Variants in HHAT observed in about 807,000 individuals in gnomAD.
The protein encoded by HHAT is protein-cysteine N-palmitoyltransferase HHAT.
A neutral mutation model predicts 70.8 loss-of-function variants in HHAT; 47 were observed. That is an observed-to-expected ratio of 0.66 (90% CI 0.53 to 0.85). HHAT has a LOEUF of 0.85. Ranked by LOEUF, HHAT falls within the 40% of genes least tolerant of loss-of-function variation. The pLI, the probability that HHAT is intolerant of heterozygous loss-of-function variation, is 0.00. For missense variants in HHAT, 609 were observed against 604.8 expected, an observed-to-expected ratio of 1.01 and a Z score of -0.07; for synonymous variants, 228 against 247.6, an observed-to-expected ratio of 0.92 and a Z score of 0.74.
At chr1:210,511,287 G>A (rs1170444848) in intron 8 of HHAT, among the ~76,000 whole-genome samples, 6 of 152,144 alleles carry the variant, frequency 3.9e-5, no homozygotes, top group African/African-American at 7.2e-5. Context: ...TATATATCTC[G>A]AATCCCGTTT....
intron 9 of HHAT, among the ~76,000 whole-genome samples, chr1:210,523,936 G>C (rs1162469868): frequency 6.6e-6 from 1 of 152,240 alleles, no homozygotes; most frequent in Non-Finnish European, 1.5e-5. Flanking sequence ...AAACAAGTAA[G>C]CAGTGTGTGA....
At chr1:210,448,317 G>A (rs2093677048) in intron 7 of HHAT, among the ~76,000 whole-genome samples, 1 of 152,056 alleles carries the variant, frequency 6.6e-6, no homozygotes, top group South Asian at 2.1e-4. Flanking sequence ...CCTGACCTCA[G>A]GTGATCTGCA....
At chr1:210,484,148 C>T (rs1017388311) in intron 8 of HHAT, among the ~76,000 whole-genome samples, 4 of 152,160 alleles carry the variant, frequency 2.6e-5, no homozygotes, top group African/African-American at 7.2e-5. Flanking sequence ...TAACCCCAAG[C>T]CTGATTTCTC....
intron 11 of HHAT, among the ~76,000 whole-genome samples, chr1:210,635,794 C>G (rs758526399): frequency 1.3e-5 from 2 of 152,092 alleles, no homozygotes; most frequent in Non-Finnish European, 2.9e-5. Context: ...GGCTTTGCCC[C>G]TAGAATTTGA....
chr1:210,663,155 G>A (rs1303574393), intron 11 of HHAT, among the ~76,000 whole-genome samples: 2 of 152,126 alleles, frequency 1.3e-5, no homozygotes, highest in Non-Finnish European at 2.9e-5. Context: ...CCAAGACAAA[G>A]GATATAAGCG....
intron 9 of HHAT, among the ~76,000 whole-genome samples, chr1:210,574,889 G>A (rs1000045354): frequency 5.9e-5 from 9 of 152,204 alleles, no homozygotes; most frequent in Admixed American, 5.9e-4. Context: ...TTATTTTATA[G>A]TGAACATTTT....
At chr1:210,459,719 C>T (rs572952645) in intron 7 of HHAT, among the ~76,000 whole-genome samples, 22 of 152,328 alleles carry the variant, frequency 1.4e-4, no homozygotes, top group African/African-American at 5.3e-4. Context: ...TTCTGAGCTC[C>T]CTCACCCTGT....
chr1:210,354,042 T>C (rs12072698), intron 2 of HHAT, among the ~76,000 whole-genome samples: 72,298 of 151,918 alleles, frequency 0.48, 18,514 homozygotes, highest in Admixed American at 0.59. Context: ...ACCCAGGCTG[T>C]TCTCAGGAAG....
chr1:210,429,048 T>A (rs952555147), intron 7 of HHAT, among the ~76,000 whole-genome samples: 3 of 151,792 alleles, frequency 2.0e-5, no homozygotes, highest in Non-Finnish European at 4.4e-5. Context: ...GGTTAATTAT[T>A]TTTAGCTACA....
At position 210,478,881 on chromosome 1, in the gene HHAT, A is replaced by G. The variant is rs565204157; in HGVS notation, c.1007+14226A>G. On this transcript the variant is annotated intron_variant, in intron 8 of 11. Transcript: ENST00000261458. ...AAATGTTTTTCTGGTGCTGGGAAGC[A>G]TTTTTCTGGACCCCTTCCCTCCATA... is the stretch of plus-strand genomic sequence containing the variant. Among the ~76,000 whole-genome samples the G allele has an allele frequency of 2.6e-5, 4 of 152,136 alleles. No homozygotes were observed. The South Asian group carries it at 8.3e-4, about 32-fold the overall frequency.
At chr1:210,374,239 A>G (rs1281339229) in intron 3 of HHAT, 2 of 149,388 alleles carry the variant, frequency 1.3e-5, no homozygotes, top group South Asian at 2.1e-4. Context: ...AAGGCGAAAG[A>G]TTTATTCGAT....
intron 10 of HHAT, among the ~76,000 whole-genome samples, chr1:210,605,238 A>G (rs1241635330): frequency 2.0e-5 from 3 of 152,212 alleles, no homozygotes; most frequent in Non-Finnish European, 2.9e-5. Flanking sequence ...CAGATAGGGA[A>G]ACGGGAGACT....
At chr1:210,337,521 T>C (rs2085611925) in intron 1 of HHAT, among the ~76,000 whole-genome samples, 1 of 152,198 alleles carries the variant, frequency 6.6e-6, no homozygotes, top group Non-Finnish European at 1.5e-5. Context: ...AATCTTTTTG[T>C]TGTCGTTGCC....
intron 9 of HHAT, among the ~76,000 whole-genome samples, chr1:210,514,803 A>G (rs1212085359): frequency 6.6e-6 from 1 of 152,214 alleles, no homozygotes; most frequent in Non-Finnish European, 1.5e-5. Context: ...TATGTCTGGG[A>G]ATGCTGTCAC....
chr1:210,355,592 T>G (rs575974183), intron 2 of HHAT, among the ~76,000 whole-genome samples: 62 of 152,292 alleles, frequency 4.1e-4, no homozygotes, highest in Admixed American at 2.5e-3. Flanking sequence ...ACATACTGCT[T>G]TTTTCCCTAG....
chr1:210,578,653 A>G (rs561809770), intron 9 of HHAT, among the ~76,000 whole-genome samples: 7 of 152,334 alleles, frequency 4.6e-5, no homozygotes, highest in Non-Finnish European at 8.8e-5. Context: ...AAAAAGAAGA[A>G]ATTCCTGCCA....
rs368582208 is a variant in HHAT, at chr1:210,473,492, C to T, written c.1007+8837C>T. On this transcript the variant is annotated intron_variant, in intron 8 of 11. Coordinates refer to ENST00000261458, the MANE Select transcript of HHAT (RefSeq NM_018194.6). ...TTTCAGTTTACAGCACCGAGGGGGA[C>T]GGGATGGGGAGAAAGGGAGTCACCA... Among the ~76,000 whole-genome samples, 22 of 151,712 alleles carry T rather than the reference C, an allele frequency of 1.5e-4. No homozygotes were observed. The South Asian group carries it at 2.3e-3, about 16-fold the overall frequency.
intron 9 of HHAT, among the ~76,000 whole-genome samples, chr1:210,560,318 C>T (rs1023478423): frequency 2.0e-5 from 3 of 151,958 alleles, no homozygotes; most frequent in Non-Finnish European, 4.4e-5. Flanking sequence ...GTTTTTTTCC[C>T]CCACTTAAAA....
At chr1:210,646,058 G>A (rs931517710) in intron 11 of HHAT, among the ~76,000 whole-genome samples, 4 of 152,170 alleles carry the variant, frequency 2.6e-5, no homozygotes, top group South Asian at 2.1e-4. Flanking sequence ...ACTCACCCCC[G>A]TGCTTCAGCA....
Sources: allele counts gnomAD v4.1 joint callset (sites outside exome capture counted in the v4.1 genomes callset), GRCh38; gene constraint gnomAD v4.1.1; transcripts MANE v1.5; gene names NCBI Gene and HGNC (gene_info 2026-07-23, HGNC 2026-07-21).